The following MIGA1 variants were observed in gnomAD, a reference collection of about 807,000 sequenced individuals.
MIGA1 encodes the protein mitoguardin 1.
Under a neutral mutation model 82.0 loss-of-function variants are expected in MIGA1, and 58 were observed. The ratio of observed to expected loss-of-function variants is 0.71; its 90% CI spans 0.57 to 0.88. The LOEUF is 0.88. Among genes scored for constraint, MIGA1 ranks in the 40% least tolerant of loss-of-function variants. MIGA1 has a pLI of 0.00. For missense variants in MIGA1, 751 were observed against 749.1 expected (o/e 1.00, Z -0.03); for synonymous variants, 249 against 253.6 (o/e 0.98, Z 0.17).
chr1:77,851,692 C>T (rs975944997), intron 8 of MIGA1, among the ~76,000 whole-genome samples: 1 of 152,146 alleles, frequency 6.6e-6, no homozygotes, highest in Non-Finnish European at 1.5e-5. Flanking sequence ...TATATTCTCA[C>T]AGCTGCAGTC....
In MIGA1 at chr1:77,801,388, T is replaced by C. The variant is rs374197863; in HGVS notation, c.253T>C (p.Ser85Pro). The C allele has an allele frequency of 6.2e-7, 1 of 1,605,662 alleles. No individual in the cohort carries two copies. Among genetic ancestry groups the C allele is most frequent in the African/African-American group, 1.3e-5 (1 of 74,502 alleles). ...TGTGGTAACTGCAGTGAGTGCTATA[T>C]CTGTAATTTTTCTGGCTCATCACTT... is the stretch of plus-strand genomic sequence containing the variant. The change falls in exon 3 of 16, where the codon TCT becomes CCT. Residue 85 changes from serine (S) to proline (P), a missense_variant. Ser to Pro is a moderately conservative substitution (Grantham distance 74). Coordinates refer to ENST00000370791, the MANE Select transcript of MIGA1 (RefSeq NM_198549.4).
At chr1:77,803,675 GT>G (rs1389869356) in intron 4 of MIGA1, among the ~76,000 whole-genome samples, 1 of 152,024 alleles carries the variant, frequency 6.6e-6, no homozygotes, top group East Asian at 1.9e-4. Flanking sequence ...AGATGTTCTT[GT>G]TTTCACTTAT....
Position 77,859,514 on chromosome 1 carries a change from G to A in MIGA1, c.1188+128G>A. On this transcript the variant is annotated intron_variant, in intron 10 of 15. Transcript: ENST00000370791. ...CCCTATTCCTAATGACAAATATAAA[G>A]TCCACTAAACTTATTTTTCCTCCCT... The A allele has an allele frequency of 9.3e-6, 6 of 647,406 alleles. No homozygotes were observed. In the South Asian group the frequency reaches 1.0e-4, roughly 11 times the overall value. 40.1% of individuals were successfully genotyped at this position (647,406 alleles called of 1,614,324 possible).
chr1:77,826,299 T>A (rs1382738120), intron 7 of MIGA1, among the ~76,000 whole-genome samples: 1 of 152,208 alleles, frequency 6.6e-6, no homozygotes, highest in Non-Finnish European at 1.5e-5. Flanking sequence ...AAAAAGGTGC[T>A]TTTTATAAAT....
chr1:77,796,687 C>T (rs539310129), intron 2 of MIGA1, among the ~76,000 whole-genome samples: 4 of 152,344 alleles, frequency 2.6e-5, no homozygotes, highest in East Asian at 3.9e-4. Flanking sequence ...AACACTGTCA[C>T]TTAGGTCAGC....
chr1:77,860,254 G>A, intron 11 of MIGA1, 128 bp downstream of exon 11: 1 of 615,948 alleles, frequency 1.6e-6, no homozygotes, highest in Non-Finnish European at 2.9e-6. Context: ...AGGGCATTAA[G>A]TTATGCTCGG....
rs950899763 is a variant in MIGA1 at position 77,807,606 on chromosome 1, A to C, written c.637+505A>C. The stretch of plus-strand genomic sequence containing the variant: ...ACAACAAAATTAAAACAGCAGAAAG[A>C]GTTTTGGAGGCTAGAATTTCATTAT... On this transcript the variant is annotated intron_variant, in intron 5 of 15. Coordinates refer to ENST00000370791, the MANE Select transcript of MIGA1 (RefSeq NM_198549.4). 7.2e-4 allele frequency among the ~76,000 whole-genome samples: 110 copies of C among 152,282 alleles called. 1 individual carries two copies. The highest frequency in any genetic ancestry group is 2.5e-3 in the African/African-American group (104 of 41,556).
intron 7 of MIGA1, among the ~76,000 whole-genome samples, chr1:77,825,740 A>T (rs1684006350): frequency 6.6e-6 from 1 of 151,770 alleles, no homozygotes; most frequent in African/African-American, 2.4e-5. Context: ...TTGTTAAATT[A>T]TAATTGATAA....
intron 2 of MIGA1, among the ~76,000 whole-genome samples, chr1:77,798,332 G>C (rs1557898765): frequency 6.6e-6 from 1 of 152,148 alleles, no homozygotes; most frequent in Non-Finnish European, 1.5e-5. Flanking sequence ...TCACTCTGCT[G>C]ATAAAGACAT....
chr1:77,817,862 G>C (rs1286433376), intron 7 of MIGA1, among the ~76,000 whole-genome samples: 1 of 151,952 alleles, frequency 6.6e-6, no homozygotes, highest in Non-Finnish European at 1.5e-5. Context: ...TCTGATGTCA[G>C]TGAATACTTC....
chr1:77,780,676 A>G (rs1681866811), intron 1 of MIGA1, among the ~76,000 whole-genome samples: 1 of 152,180 alleles, frequency 6.6e-6, no homozygotes, highest in African/African-American at 2.4e-5. Flanking sequence ...ATTTTTGGTT[A>G]TGTTTTATAG....
intron 14 of MIGA1, among the ~76,000 whole-genome samples, chr1:77,869,070 CT>C (rs1685790708): frequency 6.6e-6 from 1 of 151,498 alleles, no homozygotes; most frequent in African/African-American, 2.4e-5. Context: ...TCTGGTTTTC[CT>C]AGGCAGAGGA....
chr1:77,803,553 T>C lies in MIGA1; in HGVS notation c.510+147T>C, dbSNP rs1682971940. On this transcript the variant is annotated intron_variant, in intron 4 of 15. Coordinates refer to ENST00000370791, the MANE Select transcript of MIGA1 (RefSeq NM_198549.4). Reference sequence around the variant, plus strand: ...ATGTGCTTTCTTTAGGCAAGTAAAATACCTTTTTGCTGACTATTAGTCAAT... The same window carrying C: ...ATGTGCTTTCTTTAGGCAAGTAAAACACCTTTTTGCTGACTATTAGTCAAT... The C allele has an allele frequency of 2.2e-5, 9 of 400,070 alleles. No individual in the cohort carries two copies. The South Asian group carries it at 1.0e-3, about 46-fold the overall frequency. The allele number at this position is 400,070 out of a possible 1,614,324, so 24.8% of individuals were successfully genotyped here.
At chr1:77,823,884 C>CCTCA (rs144771156) in intron 7 of MIGA1, among the ~76,000 whole-genome samples, 2,868 of 152,290 alleles carry the variant, frequency 0.019, 39 homozygotes, top group Non-Finnish European at 0.026. Context: ...GGTCGTGACA[C>CCTCA]CTCAGCTGGT....
At chr1:77,803,748 C>G (rs745390247) in intron 4 of MIGA1, among the ~76,000 whole-genome samples, 60 of 151,720 alleles carry the variant, frequency 4.0e-4, no homozygotes, top group Non-Finnish European at 6.3e-4. Context: ...ATGATGGTTA[C>G]CAGAGGCTGG....
intron 7 of MIGA1, 83 bp from the exon 8 acceptor site, chr1:77,843,224 A>C: frequency 1.0e-6 from 1 of 993,442 alleles, no homozygotes; most frequent in Non-Finnish European, 1.5e-6. Context: ...ACTGGGGGAA[A>C]AATCAAAATC....
intron 5 of MIGA1, among the ~76,000 whole-genome samples, chr1:77,808,912 C>G (rs760469841): frequency 3.9e-5 from 6 of 152,162 alleles, no homozygotes; most frequent in Non-Finnish European, 8.8e-5. Flanking sequence ...CTAGATTACT[C>G]TGTGTCTAGG....
chr1:77,838,348 A>T (rs575227224), intron 7 of MIGA1, among the ~76,000 whole-genome samples: 8 of 149,368 alleles, frequency 5.4e-5, no homozygotes, highest in Non-Finnish European at 7.4e-5. Context: ...TTATTTATTT[A>T]TTATTTATTT....
intron 7 of MIGA1, among the ~76,000 whole-genome samples, chr1:77,818,721 G>A (rs1279433839): frequency 2.0e-5 from 3 of 152,096 alleles, no homozygotes; most frequent in Admixed American, 2.0e-4. Flanking sequence ...AGACCAGCCT[G>A]TATAGTTCGA....
Sources: allele counts gnomAD v4.1 joint callset (sites outside exome capture counted in the v4.1 genomes callset), GRCh38; gene constraint gnomAD v4.1.1; transcripts MANE v1.5; gene names NCBI Gene and HGNC (gene_info 2026-07-23, HGNC 2026-07-21).